The following DNAH6 variants were observed in gnomAD, a reference collection of about 807,000 sequenced individuals.
The protein encoded by DNAH6 is dynein axonemal heavy chain 6.
DNAH6 carries 340 observed loss-of-function variants against 491.4 expected under a neutral mutation model. That is an observed-to-expected ratio of 0.69 (90% CI 0.63 to 0.76). The LOEUF is 0.76. Ranked by LOEUF, DNAH6 falls within the 30% of genes least tolerant of loss-of-function variation. The pLI, the probability that DNAH6 is intolerant of heterozygous loss-of-function variation, is 0.00. For synonymous variants in DNAH6, 1,603 were observed against 1,686.1 expected, an observed-to-expected ratio of 0.95 and a Z score of 1.21; for missense variants, 4,443 against 4,972.2, an observed-to-expected ratio of 0.89 and a Z score of 3.20.
At chr2:84,580,883 A>G (rs1379185101) in intron 14 of DNAH6, among the ~76,000 whole-genome samples, 1 of 152,112 alleles carries the variant, frequency 6.6e-6, no homozygotes, top group Non-Finnish European at 1.5e-5. Flanking sequence ...AGAACCCAGA[A>G]TGGGACAGCT....
At chr2:84,735,815 T>G (rs1699492811) in intron 62 of DNAH6, among the ~76,000 whole-genome samples, 1 of 152,242 alleles carries the variant, frequency 6.6e-6, no homozygotes. Flanking sequence ...TCTCCCATTA[T>G]GTACATTGTC....
At chr2:84,779,428 TAGTCTTATTTCTACAATATAAG>T (rs774829902) in intron 64 of DNAH6, among the ~76,000 whole-genome samples, 9 of 152,228 alleles carry the variant, frequency 5.9e-5, no homozygotes, top group Non-Finnish European at 1.0e-4. Flanking sequence ...GTTGTCAATT[TAGTCTTATTTCTACAATATAAG>T]AATAGTCACT....
At chr2:84,500,619 G>C in the DNAH6 span, among the ~76,000 whole-genome samples, 1 of 152,116 alleles carries the variant, frequency 6.6e-6, no homozygotes, top group South Asian at 2.1e-4. Flanking sequence ...GCTTACTTTA[G>C]GTAGTATAGA....
Position 84,640,414 on chromosome 2 carries a change from A to G in DNAH6, c.4822-16A>G, listed in dbSNP as rs913009293. On this transcript the variant is annotated splice_polypyrimidine_tract_variant and intron_variant, in intron 31 of 76. Transcript: ENST00000389394. ...AATACAATATAATAAGCATTGCATT[A>G]TTTTTTCTATTCTAGGTAATTCTAT... The G allele has an allele frequency of 7.1e-7, 1 of 1,413,462 alleles. No individual in the cohort carries two copies. Among genetic ancestry groups the G allele is most frequent in the South Asian group, 1.3e-5 (1 of 79,628 alleles). The allele number at this position is 1,413,462 out of a possible 1,614,324, so 87.6% of individuals were successfully genotyped here. A position where few individuals can be genotyped will look rare whatever the true frequency, so the allele number is the denominator to read the frequency against.
At chr2:84,485,206 G>A in the DNAH6 span, among the ~76,000 whole-genome samples, 1 of 152,138 alleles carries the variant, frequency 6.6e-6, no homozygotes, top group Non-Finnish European at 1.5e-5. Flanking sequence ...AATGTTATCC[G>A]ATGGGGGGTT....
chr2:84,624,696 A>G (rs930426719), intron 28 of DNAH6, 76 bp downstream of exon 28: 26 of 1,442,972 alleles, frequency 1.8e-5, no homozygotes, highest in East Asian at 1.7e-4. Flanking sequence ...GTTTCATATG[A>G]CATTAACTCT....
intron 11 of DNAH6, among the ~76,000 whole-genome samples, chr2:84,558,819 G>T (rs536008243): frequency 5.3e-5 from 8 of 152,028 alleles, no homozygotes; most frequent in African/African-American, 1.9e-4. Context: ...ATTATTCCTC[G>T]GCTTGCTTCT....
At chr2:84,690,798 A>G (rs534463985) in intron 45 of DNAH6, among the ~76,000 whole-genome samples, 2 of 152,368 alleles carry the variant, frequency 1.3e-5, no homozygotes, top group South Asian at 2.1e-4. Flanking sequence ...CTGATTAGCA[A>G]TGGAAAGGTC....
At chr2:84,553,626 C>CT (rs1171839363) in intron 10 of DNAH6, among the ~76,000 whole-genome samples, 4 of 42,332 alleles carry the variant, frequency 9.4e-5, no homozygotes, top group African/African-American at 1.6e-4. Flanking sequence ...CCAGGACTGG[C>CT]TATTTTTTTT....
chr2:84,564,867 A>T (rs1432693371), intron 11 of DNAH6, among the ~76,000 whole-genome samples: 1 of 152,038 alleles, frequency 6.6e-6, no homozygotes, highest in African/African-American at 2.4e-5. Flanking sequence ...TATTCCTTTG[A>T]TCCCTAGTCT....
chr2:84,617,519 A>C (rs765890216), intron 23 of DNAH6, among the ~76,000 whole-genome samples: 1 of 151,928 alleles, frequency 6.6e-6, no homozygotes, highest in Non-Finnish European at 1.5e-5. Flanking sequence ...TACCCATTAA[A>C]TATCCCCACC....
At chr2:84,620,682 G>T (rs984223672) in intron 24 of DNAH6, among the ~76,000 whole-genome samples, 2 of 152,168 alleles carry the variant, frequency 1.3e-5, no homozygotes, top group Non-Finnish European at 2.9e-5. Context: ...AAAAGAATTT[G>T]CTCATCACTG....
At chr2:84,472,744 C>T in the DNAH6 span, among the ~76,000 whole-genome samples, 47 of 152,126 alleles carry the variant, frequency 3.1e-4, no homozygotes, top group African/African-American at 1.1e-3. Flanking sequence ...CCAATGCATC[C>T]GCCCTTTGAT....
intron 9 of DNAH6, among the ~76,000 whole-genome samples, 199 bp from the exon 10 acceptor site, chr2:84,552,719 G>T (rs533671158): frequency 2.0e-4 from 30 of 152,094 alleles, no homozygotes; most frequent in African/African-American, 6.7e-4. Context: ...AGGAGAGAAG[G>T]TTTACATTGT....
chr2:84,766,451 G>T (rs1046575648), intron 64 of DNAH6, among the ~76,000 whole-genome samples: 1 of 152,092 alleles, frequency 6.6e-6, no homozygotes, highest in Non-Finnish European at 1.5e-5. Flanking sequence ...AACAAAATGG[G>T]AATTTCCGTA....
At chr2:84,530,742 A>C (rs969127256) in intron 4 of DNAH6, among the ~76,000 whole-genome samples, 2 of 152,174 alleles carry the variant, frequency 1.3e-5, no homozygotes, top group Non-Finnish European at 2.9e-5. Context: ...TCTGCTTCTG[A>C]AAACAATTTG....
intron 33 of DNAH6, among the ~76,000 whole-genome samples, chr2:84,645,670 T>C (rs911870215): frequency 3.3e-5 from 5 of 152,200 alleles, no homozygotes; most frequent in Non-Finnish European, 7.4e-5. Flanking sequence ...CTTTGCCAAA[T>C]GCATAGATTG....
chr2:84,496,704 T>A, the DNAH6 span, among the ~76,000 whole-genome samples: 1 of 152,202 alleles, frequency 6.6e-6, no homozygotes, highest in Non-Finnish European at 1.5e-5. Context: ...AAATCAATTT[T>A]ATTGTTATAA....
chr2:84,702,496 T>A (rs1036070203), intron 49 of DNAH6, among the ~76,000 whole-genome samples: 2 of 151,960 alleles, frequency 1.3e-5, no homozygotes, highest in African/African-American at 4.8e-5. Flanking sequence ...GCCTGCCTTG[T>A]GAAATAACTT....
Sources: allele counts gnomAD v4.1 joint callset (sites outside exome capture counted in the v4.1 genomes callset), GRCh38; gene constraint gnomAD v4.1.1; transcripts MANE v1.5; gene names NCBI Gene and HGNC (gene_info 2026-07-23, HGNC 2026-07-21).